NEBL: variants seen among roughly 807,000 people sequenced by gnomAD.
NEBL encodes LIM and SH3 protein 2.
A neutral mutation model predicts 140.2 loss-of-function variants in NEBL; 122 were observed. The observed-to-expected ratio is 0.87, with a 90% CI of 0.75 to 1.01. The LOEUF (loss-of-function observed/expected upper bound fraction) is 1.01, where lower values mean the gene tolerates loss of function less well. Among genes scored for constraint, NEBL ranks in the 50% least tolerant of loss-of-function variants. The pLI, the probability that NEBL is intolerant of heterozygous loss-of-function variation, is 0.00. For synonymous variants in NEBL, 436 were observed against 398.9 expected (o/e 1.09, Z -1.11); for missense variants, 1,365 against 1,231.3 (o/e 1.11, Z -1.62).
chr10:20,813,550 G>A (rs1838384993), intron 23 of NEBL, among the ~76,000 whole-genome samples: 1 of 152,046 alleles, frequency 6.6e-6, no homozygotes, highest in Admixed American at 6.6e-5. Context: ...AATTACATCT[G>A]ATAATATAAT....
chr10:20,914,668 G>C (rs1220446761), intron 4 of NEBL, among the ~76,000 whole-genome samples: 3 of 151,976 alleles, frequency 2.0e-5, no homozygotes, highest in Non-Finnish European at 4.4e-5. Flanking sequence ...TCCTCTTGTG[G>C]GTTTTGAATT....
At chr10:20,808,108 C>A (rs1837775163) in intron 26 of NEBL, among the ~76,000 whole-genome samples, 1 of 151,706 alleles carries the variant, frequency 6.6e-6, no homozygotes, top group African/African-American at 2.4e-5. Context: ...TCTGAGGTAC[C>A]CCAATATTAC....
chr10:21,184,647 C>A (rs1841436625), intron 3 of NEBL, among the ~76,000 whole-genome samples: 1 of 152,100 alleles, frequency 6.6e-6, no homozygotes, highest in Non-Finnish European at 1.5e-5. Context: ...AAATAGGTAT[C>A]AAAGCTCAAA....
chr10:21,040,103 C>T (rs1834203581), intron 2 of NEBL, among the ~76,000 whole-genome samples: 1 of 152,192 alleles, frequency 6.6e-6, no homozygotes, highest in Non-Finnish European at 1.5e-5. Context: ...CGTGGTGGCC[C>T]ACACCTGCAA....
rs1359044123 is a variant in NEBL, at chr10:21,103,359, A to G, written c.164+69024T>C. 2.6e-5 allele frequency among the ~76,000 whole-genome samples: 4 copies of G among 151,680 alleles called. No homozygotes were observed. The East Asian group carries it at 5.9e-4, about 22-fold the overall frequency. On this transcript the variant is annotated intron_variant, in intron 2 of 6. Coordinates refer to the NEBL transcript ENST00000417816. ...CTCCCCAGTAGCTGGAACTACAGGCACCCGCCACCATGCCCGGCTAATTTT... is the reference window on the plus strand; with the variant it reads ...CTCCCCAGTAGCTGGAACTACAGGCGCCCGCCACCATGCCCGGCTAATTTT...
intron 7 of NEBL, among the ~76,000 whole-genome samples, chr10:20,867,002 T>A (rs765625351): frequency 3.3e-5 from 5 of 152,132 alleles, no homozygotes; most frequent in Non-Finnish European, 5.9e-5. Context: ...ATAGATATTG[T>A]ACACTATAGA....
chr10:20,840,225 T>C (rs1243628780), intron 13 of NEBL, among the ~76,000 whole-genome samples: 1 of 152,076 alleles, frequency 6.6e-6, no homozygotes, highest in Non-Finnish European at 1.5e-5. Flanking sequence ...CCCAAAGTAA[T>C]GACATAATAC....
chr10:20,950,626 GGTGTATAC>G (rs1315359484), intron 4 of NEBL, among the ~76,000 whole-genome samples: 1 of 152,076 alleles, frequency 6.6e-6, no homozygotes, highest in Non-Finnish European at 1.5e-5. Context: ...CATGAATAAA[GGTGTATAC>G]GTGTCAGGTA....
At chr10:20,938,093 G>C (rs764699772) in intron 4 of NEBL, among the ~76,000 whole-genome samples, 1 of 152,162 alleles carries the variant, frequency 6.6e-6, no homozygotes, top group South Asian at 2.1e-4. Flanking sequence ...AGACAGTAGT[G>C]GTTCTCCCAG....
At chr10:20,842,107 G>T (rs1221796251) in intron 12 of NEBL, among the ~76,000 whole-genome samples, 1 of 151,984 alleles carries the variant, frequency 6.6e-6, no homozygotes, top group Admixed American at 6.6e-5. Context: ...AAGAAATCAG[G>T]TTCCAGTTAA....
chr10:20,862,002 T>A (rs1158990619), intron 7 of NEBL, among the ~76,000 whole-genome samples: 1 of 152,190 alleles, frequency 6.6e-6, no homozygotes, highest in African/African-American at 2.4e-5. Flanking sequence ...CAAAATCATC[T>A]AATAACAAGC....
chr10:21,244,840 C>T (rs1264266433), intron 3 of NEBL, among the ~76,000 whole-genome samples: 1 of 151,640 alleles, frequency 6.6e-6, no homozygotes. Context: ...GTGAGACCCT[C>T]ACCTCTAAAA....
At chr10:21,113,492 G>C (rs929996533) in intron 2 of NEBL, 1 of 290,166 alleles carries the variant, frequency 3.4e-6, no homozygotes, top group African/African-American at 2.3e-5. Flanking sequence ...AGTGGATGAA[G>C]TGTCTTCAAG....
intron 2 of NEBL, among the ~76,000 whole-genome samples, chr10:20,892,879 A>G (rs1847144894): frequency 1.3e-5 from 2 of 152,214 alleles, no homozygotes; most frequent in Admixed American, 6.5e-5. Context: ...AGTTAAATTC[A>G]ATACACCCTG....
intron 2 of NEBL, among the ~76,000 whole-genome samples, chr10:21,145,313 A>G (rs1269999594): frequency 6.6e-6 from 1 of 152,228 alleles, no homozygotes; most frequent in Non-Finnish European, 1.5e-5. Flanking sequence ...CATATGCCAA[A>G]GTTATTTGTA....
chr10:20,811,471 TTGAA>T (rs1838131777), intron 24 of NEBL, among the ~76,000 whole-genome samples: 1 of 152,206 alleles, frequency 6.6e-6, no homozygotes, highest in South Asian at 2.1e-4. Context: ...TGGTGTCACA[TTGAA>T]TGAAAACATC....
At chr10:20,809,676 A>AT in intron 25 of NEBL, 130 bp downstream of exon 25, 4 of 729,526 alleles carry the variant, frequency 5.5e-6, no homozygotes, top group Admixed American at 4.8e-5. Context: ...GTAGCATAGC[A>AT]TTTTTTTGGT....
At chr10:21,073,220 G>A (rs951598766) in intron 2 of NEBL, among the ~76,000 whole-genome samples, 1 of 152,080 alleles carries the variant, frequency 6.6e-6, no homozygotes. Flanking sequence ...CACTTTAGGA[G>A]GCTGAAGCAG....
At chr10:21,166,244 AAG>A (rs1271248182) in intron 2 of NEBL, among the ~76,000 whole-genome samples, 2 of 102,610 alleles carry the variant, frequency 1.9e-5, no homozygotes, top group African/African-American at 1.0e-4. Flanking sequence ...AAAAAAAAAA[AAG>A]AAAAGAAAAA....
Sources: gnomAD v4.1 joint callset for allele counts (sites outside exome capture counted in the v4.1 genomes callset) on GRCh38, gnomAD v4.1.1 for gene constraint, MANE v1.5 for transcripts, NCBI Gene and HGNC (gene_info 2026-07-23, HGNC 2026-07-21) for gene names.